STAU2: variants seen among roughly 807,000 people sequenced by gnomAD.
STAU2 encodes the protein double-stranded RNA-binding protein Staufen homolog 2.
STAU2 carries 20 observed loss-of-function variants against 65.9 expected under a neutral mutation model. The observed-to-expected ratio is 0.30, with a 90% CI of 0.21 to 0.44. The LOEUF (loss-of-function observed/expected upper bound fraction) is 0.44. STAU2 is among the 20% of genes least tolerant of loss of function. The pLI is 1.00. For missense variants in STAU2, 558 were observed against 683.9 expected (o/e 0.82, Z 2.05); for synonymous variants, 232 against 233.9 (o/e 0.99, Z 0.07).
intron 4 of STAU2, among the ~76,000 whole-genome samples, chr8:73,693,571 C>T (rs1209175448): frequency 6.6e-6 from 1 of 152,074 alleles, no homozygotes; most frequent in Non-Finnish European, 1.5e-5. Flanking sequence ...TTCAAACTAC[C>T]ATTCTTACCA....
intron 13 of STAU2, among the ~76,000 whole-genome samples, chr8:73,431,384 T>C (rs946449965): frequency 6.6e-6 from 1 of 152,216 alleles, no homozygotes; most frequent in Non-Finnish European, 1.5e-5. Context: ...AAAAGGTACA[T>C]CTAAAGCAAT....
intron 6 of STAU2, chr8:73,672,901 GA>G (rs11287395): frequency 0.19 from 54,883 of 295,830 alleles, 3,247 homozygotes; most frequent in East Asian, 0.33. Flanking sequence ...TGGGGTAGGG[GA>G]AAAAAAAAAA....
intron 12 of STAU2, among the ~76,000 whole-genome samples, chr8:73,567,201 ATTTACT>A (rs1361062935): frequency 6.6e-6 from 1 of 152,032 alleles, no homozygotes; most frequent in Non-Finnish European, 1.5e-5. Flanking sequence ...GTGCTATGTG[ATTTACT>A]TTTTAAGATT....
chr8:73,560,075 ATTTTTTT>A (rs35696339), intron 12 of STAU2, among the ~76,000 whole-genome samples: 3 of 83,488 alleles, frequency 3.6e-5, no homozygotes, highest in Non-Finnish European at 7.2e-5. Flanking sequence ...TACTGAACAG[ATTTTTTT>A]TTTTTTTTTT....
intron 12 of STAU2, among the ~76,000 whole-genome samples, chr8:73,572,831 C>A (rs1809210309): frequency 6.6e-6 from 1 of 152,144 alleles, no homozygotes; most frequent in Non-Finnish European, 1.5e-5. Context: ...CCTTTGAAAA[C>A]TGGCTCAAGA....
At chr8:73,651,460 G>C in intron 6 of STAU2, 1 of 677,488 alleles carries the variant, frequency 1.5e-6, no homozygotes, top group Non-Finnish European at 2.7e-6. Flanking sequence ...AACGGCAAAT[G>C]CAGGACTCCC....
intron 6 of STAU2, among the ~76,000 whole-genome samples, chr8:73,634,564 C>A (rs1814354413): frequency 6.6e-6 from 1 of 152,192 alleles, no homozygotes; most frequent in Non-Finnish European, 1.5e-5. Context: ...ATTGGTTTTG[C>A]ATTTCATTCA....
At chr8:73,724,028 C>A (rs773857799) in intron 3 of STAU2, among the ~76,000 whole-genome samples, 1 of 152,142 alleles carries the variant, frequency 6.6e-6, no homozygotes, top group Non-Finnish European at 1.5e-5. Flanking sequence ...CTAGTTCGCT[C>A]CAGAGCAGCA....
intron 13 of STAU2, 104 bp downstream of exon 13, chr8:73,551,908 T>C (rs1807358642): frequency 2.1e-6 from 3 of 1,409,718 alleles, no homozygotes; most frequent in Non-Finnish European, 2.8e-6. Context: ...GTAAGTGGCA[T>C]GTAGGCCATA....
chr8:73,428,277 T>C (rs1216287003), intron 13 of STAU2, among the ~76,000 whole-genome samples: 3 of 152,252 alleles, frequency 2.0e-5, no homozygotes, highest in African/African-American at 4.8e-5. Context: ...ATTCTATCCA[T>C]GTTGTTGCAA....
At chr8:73,478,043 T>C (rs995661221) in intron 13 of STAU2, among the ~76,000 whole-genome samples, 2 of 142,108 alleles carry the variant, frequency 1.4e-5, no homozygotes, top group Non-Finnish European at 3.0e-5. Context: ...TGTATATATA[T>C]ATATTTTTTT....
At chr8:73,736,635 T>C (rs1236344302) in intron 3 of STAU2, among the ~76,000 whole-genome samples, 7 of 152,096 alleles carry the variant, frequency 4.6e-5, no homozygotes, top group African/African-American at 1.4e-4. Flanking sequence ...AACGGTCCAG[T>C]AAAACTGAAG....
chr8:73,477,948 A>C (rs1247529319), intron 13 of STAU2, among the ~76,000 whole-genome samples: 1 of 152,124 alleles, frequency 6.6e-6, no homozygotes, highest in Non-Finnish European at 1.5e-5. Flanking sequence ...AAACAAATTC[A>C]TTATACTGCT....
intron 5 of STAU2, among the ~76,000 whole-genome samples, chr8:73,678,191 T>G (rs1387072694): frequency 6.6e-6 from 1 of 152,164 alleles, no homozygotes; most frequent in African/African-American, 2.4e-5. Flanking sequence ...CTGAGCTTCC[T>G]AAAATACTCC....
intron 12 of STAU2, among the ~76,000 whole-genome samples, chr8:73,567,957 C>T (rs963561171): frequency 3.3e-5 from 5 of 151,360 alleles, no homozygotes; most frequent in Admixed American, 1.3e-4. Flanking sequence ...ATCAATAATA[C>T]CAAAAAGGGT....
rs1238118242 is a variant in STAU2 at position 73,613,885 on chromosome 8, T to C, written c.750A>G (p.Ala250=). The change falls in exon 9 of 15, where the codon GCA becomes GCG. Residue 250 remains alanine (A), a synonymous_variant. Transcript: ENST00000524300. ...VTRVSVGEFS[A]EGEGNSKKLS... is the part of the protein sequence containing the mutation. Reference sequence around the variant, plus strand: ...GTTTTTTGCTATTTCCTTCTCCTTCTGCAGAGAACTCTCCTACTGACACTC... The same window carrying C: ...GTTTTTTGCTATTTCCTTCTCCTTCCGCAGAGAACTCTCCTACTGACACTC... The C allele has an allele frequency of 6.2e-7, 1 of 1,613,904 alleles. No homozygotes were observed. Among genetic ancestry groups the C allele is most frequent in the South Asian group, 1.1e-5 (1 of 91,030 alleles).
At chr8:73,468,177 A>G (rs1268458467) in intron 13 of STAU2, among the ~76,000 whole-genome samples, 1 of 152,224 alleles carries the variant, frequency 6.6e-6, no homozygotes, top group East Asian at 1.9e-4. Flanking sequence ...CTGATCTTTG[A>G]CAAACCTGAC....
At chr8:73,613,386 CT>C (rs898363006) in intron 9 of STAU2, among the ~76,000 whole-genome samples, 1 of 152,164 alleles carries the variant, frequency 6.6e-6, no homozygotes. Flanking sequence ...AATGGGCAAA[CT>C]CTTTGAACAC....
At chr8:73,684,488 C>G (rs1818654568) in intron 5 of STAU2, among the ~76,000 whole-genome samples, 2 of 152,082 alleles carry the variant, frequency 1.3e-5, no homozygotes, top group Non-Finnish European at 1.5e-5. Context: ...TAAATCAAGG[C>G]CTGAAACCAT....
Sources: allele counts gnomAD v4.1 joint callset (sites outside exome capture counted in the v4.1 genomes callset), GRCh38; gene constraint gnomAD v4.1.1; transcripts MANE v1.5; gene names NCBI Gene and HGNC (gene_info 2026-07-23, HGNC 2026-07-21).